The following METTL23 variants were observed in gnomAD, a reference collection of about 807,000 sequenced individuals.
METTL23 encodes the protein histone-arginine methyltransferase METTL23.
Under a neutral mutation model 21.2 loss-of-function variants are expected in METTL23, and 24 were observed. That is an observed-to-expected ratio of 1.13 (90% CI 0.82 to 1.59). The LOEUF (loss-of-function observed/expected upper bound fraction) is 1.59. Among genes scored for constraint, METTL23 ranks in the 40% most tolerant of loss-of-function variants. The probability of loss-of-function intolerance (pLI) is 0.00; values close to 1 mark genes in which losing one functional copy is unlikely to be tolerated. For synonymous variants in METTL23, 97 were observed against 75.2 expected (o/e 1.29, Z -1.50); for missense variants, 276 against 221.4 (o/e 1.25, Z -1.57).
Position 76,733,506 on chromosome 17 carries a change from C to G in METTL23, c.408-15C>G. On this transcript the variant is annotated splice_polypyrimidine_tract_variant and intron_variant, in intron 4 of 4. Coordinates refer to ENST00000341249, the MANE Select transcript of METTL23 (RefSeq NM_001080510.5). ...AAAAGGCATGACTTTAAAAGAACAA[C>G]TTTTTTTTTTTAAGTGCTGACTGGT... 2 of 1,255,784 alleles carry G rather than the reference C, an allele frequency of 1.6e-6. No individual in the cohort carries two copies. Among genetic ancestry groups the G allele is most frequent in the East Asian group, 5.4e-5 (2 of 37,162 alleles). 77.8% of individuals were successfully genotyped at this position (1,255,784 alleles called of 1,614,324 possible). A position where few individuals can be genotyped will look rare whatever the true frequency, so the allele number is the denominator to read the frequency against.
At chr17:76,733,417 G>C (rs2077323239) in intron 4 of METTL23, 40 bp downstream of exon 4, 1 of 1,606,754 alleles carries the variant, frequency 6.2e-7, no homozygotes, top group African/African-American at 1.3e-5. Context: ...TGTAACTTAA[G>C]CCTTACTCTA....
chr17:76,726,861 C>G lies in METTL23; in HGVS notation c.-339C>G, dbSNP rs376291631. 2.3e-6 allele frequency: 1 copy of G among 441,246 alleles called. No individual in the cohort carries two copies. The highest frequency in any genetic ancestry group is 1.6e-5 in the South Asian group (1 of 63,492). The allele number at this position is 441,246 out of a possible 1,614,324, so 27.3% of individuals were successfully genotyped here. Reference sequence around the variant, plus strand: ...ATCACTTCCGGTCGCGCCAGCCGCCCGTTGCCAGTTCTGCGCGTGTGAGTC... The same window carrying G: ...ATCACTTCCGGTCGCGCCAGCCGCCGGTTGCCAGTTCTGCGCGTGTGAGTC... On this transcript the variant is annotated 5_prime_UTR_variant, in exon 1 of 5. Coordinates refer to ENST00000341249, the MANE Select transcript of METTL23 (RefSeq NM_001080510.5).
Position 76,733,450 on chromosome 17 carries a change from T to G in METTL23, c.408-71T>G, listed in dbSNP as rs2077326314. The G allele has an allele frequency of 1.9e-6, 3 of 1,598,486 alleles. No individual in the cohort carries two copies. The Admixed American group carries it at 5.2e-5, about 28-fold the overall frequency. ...CTACCCTACCCATGCGATACATAATTTAAGAATAGAATACATCTGAAGCAA... is the reference window on the plus strand; with the variant it reads ...CTACCCTACCCATGCGATACATAATGTAAGAATAGAATACATCTGAAGCAA... On this transcript the variant is annotated intron_variant, in intron 4 of 4. Transcript: ENST00000341249.
In METTL23 at chr17:76,733,809, C is replaced by T; in HGVS notation, c.*123C>T. On this transcript the variant is annotated 3_prime_UTR_variant, in exon 5 of 5. Transcript: ENST00000341249. ...TCTGAAGATGGTCAAGTCTGTTTGC[C>T]TTAGATTTTGATGTCACCTAGACAA... 1.2e-6 allele frequency: 1 copy of T among 825,976 alleles called. No individual in the cohort carries two copies. The highest frequency in any genetic ancestry group is 1.8e-6 in the Non-Finnish European group (1 of 552,908). 51.2% of individuals were successfully genotyped at this position (825,976 alleles called of 1,614,324 possible).
rs370200322 is a variant in METTL23, at chr17:76,733,600, G to C, written c.487G>C (p.Asp163His). ...VHIPLESFDA[D>H]KEDIAESTLP... ...CATTCCTCTTGAGTCTTTTGATGCA[G>C]ACAAAGAAGATATAGCAGAATCTAC... Residue 163 changes from aspartate (D) to histidine (H), a missense_variant, in exon 5 of 5, where the codon GAC becomes CAC. Coordinates refer to ENST00000341249, the MANE Select transcript of METTL23 (RefSeq NM_001080510.5). 2 of 1,613,780 alleles carry C rather than the reference G, an allele frequency of 1.2e-6. No individual in the cohort carries two copies. Among genetic ancestry groups the C allele is most frequent in the Non-Finnish European group, 1.7e-6 (2 of 1,179,834 alleles).
rs927906814 is a variant in METTL23, at chr17:76,733,173, C to G, written c.280C>G (p.Gln94Glu). 23 of 1,613,778 alleles carry G rather than the reference C, an allele frequency of 1.4e-5. No individual in the cohort carries two copies. The highest frequency in any genetic ancestry group is 1.7e-5 in the Non-Finnish European group (20 of 1,179,854). Residue 94 changes from glutamine (Q) to glutamate (E), a missense_variant, in exon 3 of 5, where the codon CAA becomes GAA. Physicochemically the swap from Gln to Glu is conservative, Grantham distance 29 (BLOSUM62 2). Coordinates refer to ENST00000341249, the MANE Select transcript of METTL23 (RefSeq NM_001080510.5). ...TTGGGATCTTCTGGCTCTACCACCA[C>G]AAGATATTATCCTTGCATCTGATGT... Reference protein sequence around the residue: ...ISWDLLALPPQDIILASDVFF... With the variant: ...ISWDLLALPPEDIILASDVFF...
In METTL23 at chr17:76,733,034, A is replaced by G; in HGVS notation, c.141A>G (p.Val47=). Residue 47 remains valine (V), a synonymous_variant, in exon 3 of 5, where the codon GTA becomes GTG. Coordinates refer to ENST00000341249, the MANE Select transcript of METTL23 (RefSeq NM_001080510.5). The part of the protein sequence containing the change: ...GILAAKCGAE[V]ILSDSSELPH... ...TGGCTGCCAAATGTGGTGCAGAAGT[A>G]ATACTGTCAGACAGCTCAGAACTGC... 2.5e-6 allele frequency: 4 copies of G among 1,600,124 alleles called. No homozygotes were observed. Among genetic ancestry groups the G allele is most frequent in the Non-Finnish European group, 3.4e-6 (4 of 1,172,588 alleles).
intron 1 of METTL23, among the ~76,000 whole-genome samples, chr17:76,727,981 C>G (rs1032884728): frequency 6.6e-6 from 1 of 152,194 alleles, no homozygotes; most frequent in African/African-American, 2.4e-5. Context: ...AAAGAAACAG[C>G]TTTAGAGAAG....
chr17:76,733,366 T>A lies in METTL23; in HGVS notation c.396T>A (p.Tyr132Ter). 2 of 1,613,936 alleles carry A rather than the reference T, an allele frequency of 1.2e-6. No homozygotes were observed. Among genetic ancestry groups the A allele is most frequent in the Admixed American group, 3.3e-5 (2 of 60,002 alleles). Residue 132 changes from tyrosine (Y) to a stop codon, truncating the protein, a stop_gained, in exon 4 of 5, where the codon TAT (tyrosine) becomes TAA (stop). Coordinates refer to ENST00000341249, the MANE Select transcript of METTL23 (RefSeq NM_001080510.5). LOFTEE classifies it high-confidence loss of function. ...KNPKVQLWST[Y>*]QVRSADWSLE... ...CCAAGGTCCAATTGTGGTCTACTTA[T>A]CAAGTTAGGAGGCAAGTATGGATGA...
chr17:76,733,168 C>T lies in METTL23; in HGVS notation c.275C>T (p.Pro92Leu). Reference protein sequence around the residue: ...GHISWDLLALPPQDIILASDV... With the variant: ...GHISWDLLALLPQDIILASDV... ...ATATCTTGGGATCTTCTGGCTCTACCACCACAAGATATTATCCTTGCATCT... is the reference window on the plus strand; with the variant it reads ...ATATCTTGGGATCTTCTGGCTCTACTACCACAAGATATTATCCTTGCATCT... Residue 92 changes from proline (P) to leucine (L), a missense_variant, in exon 3 of 5, where the codon CCA becomes CTA. Transcript: ENST00000341249. 2 of 1,613,378 alleles carry T rather than the reference C, an allele frequency of 1.2e-6. No individual in the cohort carries two copies. Among genetic ancestry groups the T allele is most frequent in the Non-Finnish European group, 8.5e-7 (1 of 1,179,382 alleles).
Position 76,733,644 on chromosome 17 carries a change from A to G in METTL23, c.531A>G (p.Thr177=). 2 of 1,613,880 alleles carry G rather than the reference A, an allele frequency of 1.2e-6. No individual in the cohort carries two copies. The highest frequency in any genetic ancestry group is 1.7e-5 in the Admixed American group (1 of 59,994). ...IAESTLPGRH[T]VEMLVISFAK... ...AATCTACCCTTCCAGGAAGACATACAGTTGAAATGCTGGTCATTTCCTTTG... is the reference window on the plus strand; with the variant it reads ...AATCTACCCTTCCAGGAAGACATACGGTTGAAATGCTGGTCATTTCCTTTG... Residue 177 remains threonine, a synonymous_variant, in exon 5 of 5, where the codon ACA becomes ACG. Transcript: ENST00000341249.
intron 2 of METTL23, 124 bp downstream of exon 2, chr17:76,729,918 G>A (rs2077129755): frequency 1.4e-6 from 1 of 701,388 alleles, no homozygotes; most frequent in Non-Finnish European, 2.5e-6. Context: ...TAGCTAGTTT[G>A]TAAGGTCTGT....
chr17:76,733,718 C>G lies in METTL23; in HGVS notation c.*32C>G, dbSNP rs201388668. The stretch of plus-strand genomic sequence containing the variant: ...CCTACAACCTGTTCTGGGACAGTAT[C>G]AATACTGATGAGCAACCTGGCACAC... On this transcript the variant is annotated 3_prime_UTR_variant, in exon 5 of 5. Transcript: ENST00000341249. 24 of 1,585,214 alleles carry G rather than the reference C, an allele frequency of 1.5e-5. 1 individual carries two copies. The South Asian group carries it at 2.0e-4, about 13-fold the overall frequency.
At position 76,729,767 on chromosome 17, in the gene METTL23, A is replaced by C. The variant is rs1461512060; in HGVS notation, c.57A>C (p.Arg19Ser). 1 of 1,596,674 alleles carries C rather than the reference A, an allele frequency of 6.3e-7. No homozygotes were observed. Reference protein sequence around the residue: ...VLAQYLWFHRRSLPGKAILEI... With the variant: ...VLAQYLWFHRSSLPGKAILEI... ...CCCAGTACCTTTGGTTTCACAGAAG[A>C]TCTCTGCCAGGCAAGGCCATCTTAG... The change falls in exon 2 of 5, where the codon AGA becomes AGC. Residue 19 changes from arginine (R) to serine (S), a missense_variant. Coordinates refer to ENST00000341249, the MANE Select transcript of METTL23 (RefSeq NM_001080510.5).
rs1392771154 is a variant in METTL23, at chr17:76,733,695, T to C, written c.*9T>C. 1.2e-6 allele frequency: 2 copies of C among 1,609,912 alleles called. No individual in the cohort carries two copies. Among genetic ancestry groups the C allele is most frequent in the Admixed American group, 1.7e-5 (1 of 59,560 alleles). ...CAAAGGACAGTCTCTGAATTATACC[T>C]ACAACCTGTTCTGGGACAGTATCAA... On this transcript the variant is annotated 3_prime_UTR_variant, in exon 5 of 5. Coordinates refer to ENST00000341249, the MANE Select transcript of METTL23 (RefSeq NM_001080510.5).
chr17:76,726,568 G>A (rs983743850), upstream of METTL23: 2 of 1,464,358 alleles, frequency 1.4e-6, no homozygotes, highest in Middle Eastern at 1.8e-4. Flanking sequence ...GGCGGCGACG[G>A]CAGTACCCAA....
chr17:76,732,975 TAG>T lies in METTL23; in HGVS notation c.85-1_85del. ...TGAAATGCCATCTTTCATAACTTAT[TAG>T]ATTGGAGCTGGAGTGAGCCTTCCAG... On this transcript the variant is annotated splice_acceptor_variant, in intron 2 of 4. Coordinates refer to ENST00000341249, the MANE Select transcript of METTL23 (RefSeq NM_001080510.5). LOFTEE classifies it high-confidence loss of function. 6.4e-7 allele frequency: 1 copy of T among 1,562,376 alleles called. No homozygotes were observed. The highest frequency in any genetic ancestry group is 8.7e-7 in the Non-Finnish European group (1 of 1,151,544).
At chr17:76,727,740 C>T (rs1410463600) in intron 1 of METTL23, among the ~76,000 whole-genome samples, 1 of 152,050 alleles carries the variant, frequency 6.6e-6, no homozygotes, top group Admixed American at 6.6e-5. Context: ...TTTTTCTTTT[C>T]TTTTTTTTGA....
At chr17:76,726,236 T>TAGGC (rs2076929081), upstream of METTL23, 5 of 1,375,510 alleles carry the variant, frequency 3.6e-6, no homozygotes, top group Admixed American at 1.5e-4. Context: ...CGGGTGAGCC[T>TAGGC]CTACGAGGTC....
Sources: gnomAD v4.1 joint callset for allele counts (sites outside exome capture counted in the v4.1 genomes callset) on GRCh38, gnomAD v4.1.1 for gene constraint, MANE v1.5 for transcripts, NCBI Gene and HGNC (gene_info 2026-07-23, HGNC 2026-07-21) for gene names.